The following DNAH14 variants were observed in gnomAD, a reference collection of about 807,000 sequenced individuals.
DNAH14 encodes axonemal beta dynein heavy chain 14.
A neutral mutation model predicts 520.9 loss-of-function variants in DNAH14; 478 were observed. The observed-to-expected ratio is 0.92, with a 90% CI of 0.85 to 0.99. The LOEUF is 0.99. Among genes scored for constraint, DNAH14 ranks in the 50% least tolerant of loss-of-function variants. DNAH14 has a pLI of 0.00. For synonymous variants in DNAH14, 1,581 were observed against 1,757.2 expected (o/e 0.90, Z 2.51); for missense variants, 4,831 against 5,234.5 (o/e 0.92, Z 2.38).
At chr1:225,353,406 T>G (rs929125702) in intron 72 of DNAH14, among the ~76,000 whole-genome samples, 9 of 152,124 alleles carry the variant, frequency 5.9e-5, no homozygotes, top group African/African-American at 2.2e-4. Flanking sequence ...AGCTGGATTA[T>G]GAATAGAAAC....
intron 71 of DNAH14, among the ~76,000 whole-genome samples, chr1:225,349,958 C>T (rs1012156396): frequency 6.6e-6 from 1 of 152,128 alleles, no homozygotes; most frequent in African/African-American, 2.4e-5. Flanking sequence ...ATCAAACAGA[C>T]ATACACAGAA....
At chr1:225,136,016 C>T (rs543398743) in intron 27 of DNAH14, among the ~76,000 whole-genome samples, 31 of 152,066 alleles carry the variant, frequency 2.0e-4, no homozygotes, top group Admixed American at 2.0e-3. Context: ...GTAAATTTTC[C>T]CTTATCCCTT....
intron 2 of DNAH14, among the ~76,000 whole-genome samples, chr1:224,954,197 A>C (rs906433620): frequency 2.6e-5 from 4 of 152,134 alleles, no homozygotes; most frequent in African/African-American, 9.6e-5. Flanking sequence ...GGGAACTTAA[A>C]GCGCTCAAAG....
At chr1:225,079,931 C>T (rs977960511) in intron 18 of DNAH14, among the ~76,000 whole-genome samples, 2 of 151,982 alleles carry the variant, frequency 1.3e-5, no homozygotes, top group African/African-American at 4.8e-5. Context: ...CCTCAGCCCC[C>T]CAAAGTGCTG....
intron 54 of DNAH14, 25 bp downstream of exon 54, chr1:225,277,527 G>C (rs373563139): frequency 8.8e-5 from 41 of 466,730 alleles, no homozygotes; most frequent in African/African-American, 8.0e-4. Context: ...TTTTCAAGTG[G>C]TTTTAAGTTT....
intron 38 of DNAH14, among the ~76,000 whole-genome samples, chr1:225,201,570 T>TA: frequency 6.6e-6 from 1 of 152,324 alleles, no homozygotes; most frequent in South Asian, 2.1e-4. Context: ...CTTAATGTAG[T>TA]ACTCTCCCCC....
rs540553579 is a variant in DNAH14, at chr1:225,080,686, A to C, written c.3074A>C (p.Asp1025Ala). ...AGGAATAGTTCTCTTCAAAGTATTG[A>C]TGTAGAATCAGTACAGAGAAATGTT... The part of the protein sequence containing the change: ...EWRNSSLQSI[D>A]VESVQRNVSK... Residue 1025 changes from aspartate (D) to alanine (A), a missense_variant, in exon 19 of 86, where the codon GAT (aspartate) becomes GCT (alanine). Asp to Ala is a moderately radical substitution (Grantham distance 126). Coordinates refer to ENST00000682510, the MANE Select transcript of DNAH14 (RefSeq NM_001367479.1). The C allele has an allele frequency of 1.3e-6, 2 of 1,551,046 alleles. No homozygotes were observed. Among genetic ancestry groups the C allele is most frequent in the Admixed American group, 2.0e-5 (1 of 50,908 alleles).
intron 64 of DNAH14, among the ~76,000 whole-genome samples, chr1:225,325,776 A>G (rs1484077740): frequency 6.6e-6 from 1 of 152,138 alleles, no homozygotes; most frequent in African/African-American, 2.4e-5. Context: ...GATATAATCA[A>G]CATTTTAAAA....
Position 225,080,627 on chromosome 1 carries a change from A to G in DNAH14, c.3015A>G (p.Ala1005=), listed in dbSNP as rs957161785. The change falls in exon 19 of 86, where the codon GCA becomes GCG. Residue 1005 remains alanine (A), a synonymous_variant. Coordinates refer to ENST00000682510, the MANE Select transcript of DNAH14 (RefSeq NM_001367479.1). ...DLTLRKKLWE[A]QEEWKRASWE... The stretch of plus-strand genomic sequence containing the variant: ...CTTTGAGGAAAAAACTATGGGAAGC[A>G]CAAGAGGAGTGGAAGCGAGCCTCTT... The G allele has an allele frequency of 8.4e-6, 13 of 1,552,040 alleles. No homozygotes were observed. Among genetic ancestry groups the G allele is most frequent in the Admixed American group, 2.0e-5 (1 of 51,000 alleles).
At chr1:224,943,983 T>C (rs1222499333) in intron 1 of DNAH14, among the ~76,000 whole-genome samples, 1 of 152,126 alleles carries the variant, frequency 6.6e-6, no homozygotes, top group Non-Finnish European at 1.5e-5. Context: ...TGATTTGGGG[T>C]GGAGAGTTCT....
At chr1:225,381,353 A>G in intron 80 of DNAH14, 30 bp from the exon 81 acceptor site, 1 of 1,519,982 alleles carries the variant, frequency 6.6e-7, no homozygotes, top group Non-Finnish European at 8.8e-7. Flanking sequence ...TCTGTAAAAT[A>G]TCAAAATTTT....
At chr1:225,357,440 C>T (rs2095442589) in intron 73 of DNAH14, among the ~76,000 whole-genome samples, 1 of 151,940 alleles carries the variant, frequency 6.6e-6, no homozygotes, top group Admixed American at 6.6e-5. Context: ...TTATGTTGAC[C>T]ATTTGGGAGC....
intron 8 of DNAH14, among the ~76,000 whole-genome samples, chr1:224,989,232 A>G (rs533704776): frequency 5.9e-5 from 9 of 152,206 alleles, no homozygotes; most frequent in Non-Finnish European, 1.2e-4. Flanking sequence ...TGTTTAAATA[A>G]AAATCTGGGC....
chr1:225,295,985 A>AT (rs2093997685), intron 55 of DNAH14, among the ~76,000 whole-genome samples: 1 of 152,072 alleles, frequency 6.6e-6, no homozygotes, highest in Non-Finnish European at 1.5e-5. Context: ...TTCCTTTATT[A>AT]TTATATAATG....
intron 50 of DNAH14, 146 bp downstream of exon 50, chr1:225,271,012 AT>A: frequency 1.1e-6 from 1 of 917,558 alleles, no homozygotes; most frequent in South Asian, 1.8e-5. Context: ...GCCTATTATA[AT>A]TTGGTTCTAC....
intron 54 of DNAH14, among the ~76,000 whole-genome samples, chr1:225,280,109 A>C (rs2093593232): frequency 6.6e-6 from 1 of 151,986 alleles, no homozygotes. Flanking sequence ...CACAAACTTA[A>C]AAATAGATCT....
chr1:225,305,528 G>C (rs748328803), intron 58 of DNAH14, among the ~76,000 whole-genome samples: 1 of 152,130 alleles, frequency 6.6e-6, no homozygotes, highest in African/African-American at 2.4e-5. Context: ...GAAGCAGAAG[G>C]CCTCACCCCT....
intron 27 of DNAH14, among the ~76,000 whole-genome samples, chr1:225,135,781 T>C (rs1454566363): frequency 6.6e-6 from 1 of 152,152 alleles, no homozygotes; most frequent in Non-Finnish European, 1.5e-5. Context: ...ACTATTATTG[T>C]GTGGGAGACT....
Position 225,144,628 on chromosome 1 carries a change from A to T in DNAH14, c.4740A>T (p.Lys1580Asn). The change falls in exon 29 of 86, where the codon AAA (lysine) becomes AAT (asparagine). Residue 1580 changes from lysine (K) to asparagine (N), a missense_variant and splice_region_variant. By Grantham distance (94) the Lys-to-Asn change is moderately conservative (BLOSUM62 0). Coordinates refer to ENST00000682510, the MANE Select transcript of DNAH14 (RefSeq NM_001367479.1). The part of the protein sequence containing the change: ...GKTETVKDLA[K>N]SLGKHCVVFN... ...CTGAGACTGTCAAAGATCTAGCAAA[A>T]GTAAGTGGTTTCTGTATCCAGAATA... 6.5e-7 allele frequency: 1 copy of T among 1,547,622 alleles called. No individual in the cohort carries two copies. Among genetic ancestry groups the T allele is most frequent in the Non-Finnish European group, 8.7e-7 (1 of 1,144,306 alleles).
Sources: gnomAD v4.1 joint callset for allele counts (sites outside exome capture counted in the v4.1 genomes callset) on GRCh38, gnomAD v4.1.1 for gene constraint, MANE v1.5 for transcripts, NCBI Gene and HGNC (gene_info 2026-07-23, HGNC 2026-07-21) for gene names.